Variants in ZNF385D observed in about 807,000 individuals in gnomAD.
The protein encoded by ZNF385D is zinc finger protein 659.
ZNF385D carries 15 observed loss-of-function variants against 35.8 expected under a neutral mutation model. The observed-to-expected ratio is 0.42, with a 90% CI of 0.28 to 0.64. The LOEUF (loss-of-function observed/expected upper bound fraction) is 0.64, where lower values mean the gene tolerates loss of function less well. ZNF385D is among the 30% of genes least tolerant of loss of function. The pLI, the probability that ZNF385D is intolerant of heterozygous loss-of-function variation, is 0.23. For synonymous variants in ZNF385D, 212 were observed against 186.8 expected (o/e 1.13, Z -1.10); for missense variants, 474 against 494.6 (o/e 0.96, Z 0.39).
rs558788453 is a variant in ZNF385D, at chr3:21,813,720, G to A, written c.326-148692C>T. ...GACTCTGTGAAAAGACCAAATCTAC[G>A]TCTGATTGGTGTACCTGACAGTGAC... On this transcript the variant is annotated intron_variant, in intron 3 of 5. Transcript: ENST00000494108. 1.1e-3 allele frequency among the ~76,000 whole-genome samples: 164 copies of A among 152,250 alleles called. 1 individual carries two copies. Among genetic ancestry groups the A allele is most frequent in the Middle Eastern group, 3.4e-3 (1 of 294 alleles).
At chr3:21,663,919 T>TATATATATATATATATATATATA (rs1201308131) in intron 2 of ZNF385D, among the ~76,000 whole-genome samples, 56 of 39,198 alleles carry the variant, frequency 1.4e-3, no homozygotes, top group African/African-American at 3.2e-3. Context: ...ATATATATAT[T>TATATATATATATATATATATATA]TATTTATTTA....
At chr3:22,260,752 A>G (rs1035462453) in intron 2 of ZNF385D, among the ~76,000 whole-genome samples, 2 of 151,994 alleles carry the variant, frequency 1.3e-5, no homozygotes, top group Non-Finnish European at 2.9e-5. Context: ...ATTCAACTAC[A>G]AAGTTTTAGT....
chr3:21,597,619 G>C (rs2064162476), intron 2 of ZNF385D, among the ~76,000 whole-genome samples: 1 of 151,556 alleles, frequency 6.6e-6, no homozygotes, highest in Non-Finnish European at 1.5e-5. Context: ...AGTGGTGTGA[G>C]GCACATACAA....
chr3:21,790,236 G>A (rs1220105061), intron 3 of ZNF385D, among the ~76,000 whole-genome samples: 1 of 117,424 alleles, frequency 8.5e-6, no homozygotes, highest in African/African-American at 3.3e-5. Flanking sequence ...TTTAAAAATC[G>A]ATGCATATGT....
intron 2 of ZNF385D, among the ~76,000 whole-genome samples, chr3:21,621,338 G>C (rs2065000031): frequency 6.6e-6 from 1 of 152,172 alleles, no homozygotes; most frequent in South Asian, 2.1e-4. Flanking sequence ...GCAATCTTTA[G>C]ATCTATCAGT....
At chr3:21,564,231 T>C (rs17009043) in intron 3 of ZNF385D, among the ~76,000 whole-genome samples, 13 of 152,134 alleles carry the variant, frequency 8.5e-5, no homozygotes, top group Admixed American at 7.9e-4. Context: ...TATTTCAGAG[T>C]GTAACCTATT....
chr3:21,761,852 T>C (rs2070624619), intron 3 of ZNF385D, among the ~76,000 whole-genome samples: 1 of 150,350 alleles, frequency 6.7e-6, no homozygotes. Context: ...AATTATGATT[T>C]CAAGAGCATT....
intron 3 of ZNF385D, among the ~76,000 whole-genome samples, chr3:21,553,190 T>G (rs1358224399): frequency 6.6e-6 from 1 of 152,134 alleles, no homozygotes; most frequent in Non-Finnish European, 1.5e-5. Context: ...CAACCTGACT[T>G]TATCCTAGTG....
chr3:22,310,063 C>A (rs1559512026), intron 2 of ZNF385D, among the ~76,000 whole-genome samples: 1 of 151,904 alleles, frequency 6.6e-6, no homozygotes, highest in African/African-American at 2.4e-5. Context: ...GAAATAAGAC[C>A]TCCAATAAAT....
intron 3 of ZNF385D, among the ~76,000 whole-genome samples, chr3:22,111,778 T>A (rs759355584): frequency 4.6e-5 from 7 of 152,266 alleles, no homozygotes; most frequent in Non-Finnish European, 1.0e-4. Context: ...ATGCTTTTGC[T>A]TAGGACTCTT....
At position 21,419,923 on chromosome 3, in the gene ZNF385D, G is replaced by C. The variant is rs1203777086; in HGVS notation, c.*1291C>G. The C allele has an allele frequency of 1.3e-5, 2 of 151,812 alleles. No homozygotes were observed. Among genetic ancestry groups the C allele is most frequent in the African/African-American group, 4.8e-5 (2 of 41,302 alleles). The allele number at this position is 151,812 out of a possible 1,614,324, so 9.4% of individuals were successfully genotyped here. ...AAAGGTAAAACATCAACTTCTTTCA[G>C]CCTGATGGTGAATATCAAAGGCTCT... On this transcript the variant is annotated 3_prime_UTR_variant, in exon 8 of 8. Transcript: ENST00000281523.
At chr3:21,975,473 T>C (rs1057214871) in intron 3 of ZNF385D, among the ~76,000 whole-genome samples, 2 of 152,056 alleles carry the variant, frequency 1.3e-5, no homozygotes, top group African/African-American at 4.8e-5. Context: ...GAATAAGACC[T>C]AGTATTTGAT....
chr3:22,335,787 T>A (rs181830072), intron 2 of ZNF385D, among the ~76,000 whole-genome samples: 1 of 152,138 alleles, frequency 6.6e-6, no homozygotes, highest in African/African-American at 2.4e-5. Flanking sequence ...ATACACATAC[T>A]TCTTTACCAA....
At chr3:22,172,445 T>G (rs1296466231) in intron 2 of ZNF385D, among the ~76,000 whole-genome samples, 2 of 152,220 alleles carry the variant, frequency 1.3e-5, no homozygotes, top group Non-Finnish European at 2.9e-5. Context: ...ACAATATTTT[T>G]CTGGGATGCA....
chr3:21,703,285 A>C (rs2067762945), intron 1 of ZNF385D, among the ~76,000 whole-genome samples: 1 of 152,170 alleles, frequency 6.6e-6, no homozygotes, highest in African/African-American at 2.4e-5. Flanking sequence ...CATCAGATCC[A>C]TGAGACTTAA....
intron 3 of ZNF385D, among the ~76,000 whole-genome samples, chr3:21,823,821 A>G (rs1306462965): frequency 1.3e-5 from 2 of 152,226 alleles, no homozygotes; most frequent in Non-Finnish European, 2.9e-5. Context: ...TACAACAGAA[A>G]AAAGAAAAAA....
chr3:21,467,455 A>G (rs1032218045), intron 4 of ZNF385D, among the ~76,000 whole-genome samples: 3 of 152,202 alleles, frequency 2.0e-5, no homozygotes, highest in African/African-American at 7.2e-5. Flanking sequence ...GGGGGGAACA[A>G]AATTATTTAC....
At chr3:22,350,897 G>A (rs141424130) in intron 2 of ZNF385D, among the ~76,000 whole-genome samples, 1 of 152,066 alleles carries the variant, frequency 6.6e-6, no homozygotes, top group East Asian at 1.9e-4. Context: ...AAACCATTCT[G>A]GGGGATATAC....
upstream of ZNF385D, among the ~76,000 whole-genome samples, chr3:21,752,227 A>T (rs1326418024): frequency 6.6e-6 from 1 of 152,208 alleles, no homozygotes; most frequent in Non-Finnish European, 1.5e-5. Context: ...TCATACAGCA[A>T]GTTCCGTTTC....
Sources: gnomAD v4.1 joint callset for allele counts (sites outside exome capture counted in the v4.1 genomes callset) on GRCh38, gnomAD v4.1.1 for gene constraint, MANE v1.5 for transcripts, NCBI Gene and HGNC (gene_info 2026-07-23, HGNC 2026-07-21) for gene names.